The following CNTNAP2 variants were observed in gnomAD, a reference collection of about 807,000 sequenced individuals.
CNTNAP2 encodes the protein contactin associated protein 2.
A neutral mutation model predicts 155.2 loss-of-function variants in CNTNAP2; 98 were observed. The ratio of observed to expected loss-of-function variants is 0.63; its 90% confidence interval spans 0.54 to 0.75. The LOEUF (loss-of-function observed/expected upper bound fraction) is 0.75, where lower values mean the gene tolerates loss of function less well. CNTNAP2 is among the 30% of genes least tolerant of loss of function. The pLI is 0.00. For synonymous variants in CNTNAP2, 651 were observed against 631.2 expected (o/e 1.03, Z -0.47); for missense variants, 1,727 against 1,688.1 (o/e 1.02, Z -0.40).
chr7:146,520,292 A>G (rs1797599173), intron 1 of CNTNAP2, among the ~76,000 whole-genome samples: 1 of 127,092 alleles, frequency 7.9e-6, no homozygotes, highest in South Asian at 2.7e-4. Flanking sequence ...TAAAATATAT[A>G]TCTAGATATC....
At chr7:147,808,559 C>T (rs1421488583) in intron 13 of CNTNAP2, among the ~76,000 whole-genome samples, 1 of 152,198 alleles carries the variant, frequency 6.6e-6, no homozygotes, top group African/African-American at 2.4e-5. Flanking sequence ...ACCCTTGTCC[C>T]CATCATCCAA....
intron 21 of CNTNAP2, among the ~76,000 whole-genome samples, chr7:148,268,745 T>G (rs1001055423): frequency 6.6e-6 from 1 of 152,134 alleles, no homozygotes; most frequent in African/African-American, 2.4e-5. Context: ...ATTAGCCCAT[T>G]CAATCTTCGT....
At chr7:147,063,649 C>A (rs914285603) in intron 4 of CNTNAP2, among the ~76,000 whole-genome samples, 13 of 151,756 alleles carry the variant, frequency 8.6e-5, no homozygotes, top group African/African-American at 3.1e-4. Context: ...GAATGAGAGG[C>A]AAAAATGTCT....
intron 1 of CNTNAP2, among the ~76,000 whole-genome samples, chr7:146,221,076 T>A (rs1185856333): frequency 6.6e-6 from 1 of 152,212 alleles, no homozygotes; most frequent in African/African-American, 2.4e-5. Flanking sequence ...TTAATCCGTG[T>A]GAGAATGAAT....
chr7:146,567,439 A>T (rs1798374765), intron 1 of CNTNAP2, among the ~76,000 whole-genome samples: 1 of 152,190 alleles, frequency 6.6e-6, no homozygotes, highest in Admixed American at 6.5e-5. Flanking sequence ...TGAAATTATG[A>T]TAGTAAAAAT....
At chr7:146,245,049 C>G (rs973716061) in intron 1 of CNTNAP2, among the ~76,000 whole-genome samples, 1 of 152,040 alleles carries the variant, frequency 6.6e-6, no homozygotes, top group African/African-American at 2.4e-5. Context: ...GAAATGAGAG[C>G]TTCTAAGAGG....
At chr7:146,148,663 C>G (rs1797989759) in intron 1 of CNTNAP2, among the ~76,000 whole-genome samples, 1 of 151,988 alleles carries the variant, frequency 6.6e-6, no homozygotes, top group African/African-American at 2.4e-5. Flanking sequence ...CATTTGTCAA[C>G]ATGATGAGAA....
At chr7:147,011,808 C>T (rs1367816266) in intron 3 of CNTNAP2, among the ~76,000 whole-genome samples, 1 of 152,160 alleles carries the variant, frequency 6.6e-6, no homozygotes, top group Non-Finnish European at 1.5e-5. Flanking sequence ...AGTCTCTGAC[C>T]TTCCTCGTTT....
intron 4 of CNTNAP2, among the ~76,000 whole-genome samples, chr7:147,046,579 G>T (rs908285081): frequency 4.6e-5 from 7 of 152,034 alleles, no homozygotes; most frequent in African/African-American, 1.7e-4. Context: ...TTTCCAATGG[G>T]TATAGACTTG....
chr7:146,260,682 G>A (rs540106872), intron 1 of CNTNAP2, among the ~76,000 whole-genome samples: 16 of 152,262 alleles, frequency 1.1e-4, no homozygotes, highest in South Asian at 2.1e-4. Flanking sequence ...CATTTGTCCC[G>A]TGCCTGCACC....
At chr7:146,587,278 T>C (rs1012241466) in intron 1 of CNTNAP2, among the ~76,000 whole-genome samples, 1 of 152,142 alleles carries the variant, frequency 6.6e-6, no homozygotes, top group Non-Finnish European at 1.5e-5. Flanking sequence ...TAGCTGTACA[T>C]ATTTTCTACT....
intron 1 of CNTNAP2, among the ~76,000 whole-genome samples, chr7:146,395,861 A>T (rs1229774517): frequency 6.7e-6 from 1 of 150,092 alleles, no homozygotes; most frequent in Non-Finnish European, 1.5e-5. Context: ...GAGAGATTAG[A>T]TGGACAGGTA....
intron 8 of CNTNAP2, among the ~76,000 whole-genome samples, chr7:147,292,743 G>A (rs565174192): frequency 6.6e-5 from 10 of 150,414 alleles, no homozygotes; most frequent in African/African-American, 1.7e-4. Context: ...AAGATTCTAC[G>A]TATTAAATAA....
chr7:146,242,412 G>A (rs1799576940), intron 1 of CNTNAP2, among the ~76,000 whole-genome samples: 1 of 151,882 alleles, frequency 6.6e-6, no homozygotes, highest in Admixed American at 6.6e-5. Context: ...GGTGGCTTGT[G>A]CCTGTAGTCC....
intron 1 of CNTNAP2, among the ~76,000 whole-genome samples, chr7:146,614,089 A>T (rs994514692): frequency 1.3e-5 from 2 of 152,104 alleles, no homozygotes; most frequent in Non-Finnish European, 2.9e-5. Flanking sequence ...TTAAGCTTTT[A>T]TTATGACCCG....
intron 1 of CNTNAP2, among the ~76,000 whole-genome samples, chr7:146,617,113 G>T (rs1231282266): frequency 6.6e-6 from 1 of 152,124 alleles, no homozygotes; most frequent in East Asian, 1.9e-4. Context: ...TCTGCCTCCC[G>T]GGTTCACGCC....
intron 1 of CNTNAP2, among the ~76,000 whole-genome samples, chr7:146,654,936 T>A (rs966471452): frequency 6.6e-6 from 1 of 152,160 alleles, no homozygotes; most frequent in African/African-American, 2.4e-5. Context: ...TAAAATTAAA[T>A]ACTCTGCTAT....
chr7:146,127,579 C>G (rs1014568136), intron 1 of CNTNAP2, among the ~76,000 whole-genome samples: 2 of 152,168 alleles, frequency 1.3e-5, no homozygotes, highest in South Asian at 4.1e-4. Context: ...CTTCTGCAAC[C>G]CTTTTTCTAC....
chr7:146,185,267 T>C (rs530334385), intron 1 of CNTNAP2, among the ~76,000 whole-genome samples: 1 of 152,138 alleles, frequency 6.6e-6, no homozygotes, highest in African/African-American at 2.4e-5. Flanking sequence ...GTGCGATGGC[T>C]GGGAGGAAAG....
Sources: gnomAD v4.1 joint callset for allele counts (sites outside exome capture counted in the v4.1 genomes callset) on GRCh38, gnomAD v4.1.1 for gene constraint, MANE v1.5 for transcripts, NCBI Gene and HGNC (gene_info 2026-07-23, HGNC 2026-07-21) for gene names.